Variants in ARHGEF16 observed in about 807,000 individuals in gnomAD.
The protein encoded by ARHGEF16 is Rho guanine exchange factor (GEF) 16.
Under a neutral mutation model 74.1 loss-of-function variants are expected in ARHGEF16, and 59 were observed. That is an observed-to-expected ratio of 0.80 (90% CI 0.65 to 0.99). ARHGEF16 has a LOEUF of 0.99. Ranked by LOEUF, ARHGEF16 falls within the 50% of genes least tolerant of loss-of-function variation. ARHGEF16 has a pLI of 0.00. For synonymous variants in ARHGEF16, 415 were observed against 412.6 expected, an observed-to-expected ratio of 1.01 and a Z score of -0.07; for missense variants, 948 against 986.6, an observed-to-expected ratio of 0.96 and a Z score of 0.52.
chr1:3,463,905 C>T (rs947465647), intron 2 of ARHGEF16, among the ~76,000 whole-genome samples: 1 of 152,248 alleles, frequency 6.6e-6, no homozygotes, highest in Non-Finnish European at 1.5e-5. Context: ...ACCGAGGCCC[C>T]CAGACTCTGG....
At chr1:3,463,816 C>T in intron 2 of ARHGEF16, 144 bp downstream of exon 2, 2 of 632,168 alleles carry the variant, frequency 3.2e-6, no homozygotes, top group Non-Finnish European at 4.7e-6. Flanking sequence ...CTGGTTTATT[C>T]CAGTTCAGCC....
At chr1:3,474,926 T>C (rs1050186909) in intron 9 of ARHGEF16, 144 bp downstream of exon 9, 9 of 653,774 alleles carry the variant, frequency 1.4e-5, no homozygotes, top group African/African-American at 1.4e-4. Context: ...ATCCCAAGCC[T>C]TTCACAGCGC....
At position 3,463,230 on chromosome 1, in the gene ARHGEF16, C is replaced by T. The variant is rs1639447581; in HGVS notation, c.146C>T (p.Ala49Val). The change falls in exon 2 of 15, where the codon GCC becomes GTC. Residue 49 changes from alanine to valine, a missense_variant. Transcript: ENST00000378378. ...TCCCCGCGTGTTAGAGACGATGCCG[C>T]CTTCCAGCCCCAGGTCCCGGCACCC... is the stretch of plus-strand genomic sequence containing the variant. ...RGSPRVRDDA[A>V]FQPQVPAPPQ... The T allele has an allele frequency of 5.2e-6, 8 of 1,547,464 alleles. No individual in the cohort carries two copies. The highest frequency in any genetic ancestry group is 1.7e-4 in the Middle Eastern group (1 of 5,970).
chr1:3,463,234 C>T lies in ARHGEF16; in HGVS notation c.150C>T (p.Phe50=), dbSNP rs935903382. 2.6e-6 allele frequency: 4 copies of T among 1,547,732 alleles called. No individual in the cohort carries two copies. Among genetic ancestry groups the T allele is most frequent in the Admixed American group, 3.9e-5 (2 of 50,906 alleles). ...GSPRVRDDAA[F]QPQVPAPPQP... Reference sequence around the variant, plus strand: ...CGCGTGTTAGAGACGATGCCGCCTTCCAGCCCCAGGTCCCGGCACCCCCAC... The same window carrying T: ...CGCGTGTTAGAGACGATGCCGCCTTTCAGCCCCAGGTCCCGGCACCCCCAC... Residue 50 remains phenylalanine, a synonymous_variant, in exon 2 of 15, where the codon TTC becomes TTT. Coordinates refer to ENST00000378378, the MANE Select transcript of ARHGEF16 (RefSeq NM_014448.4).
intron 8 of ARHGEF16, 121 bp downstream of exon 8, chr1:3,473,643 T>C: frequency 6.7e-7 from 1 of 1,488,750 alleles, no homozygotes; most frequent in Non-Finnish European, 9.1e-7. Context: ...GCCTATGATA[T>C]TGTAATAGTT....
chr1:3,474,049 G>A lies in ARHGEF16; in HGVS notation c.1305+527G>A, dbSNP rs76144978. On this transcript the variant is annotated intron_variant, in intron 8 of 14. Transcript: ENST00000378378. ...ATACAGTGTACACGCACTCAGGCAC[G>A]TATGTGCCCATGTGCACACAATGCA... The A allele has an allele frequency of 9.9e-5, 19 of 191,452 alleles. No homozygotes were observed. The East Asian group carries it at 2.0e-3, about 21-fold the overall frequency. The allele number at this position is 191,452 out of a possible 1,614,324, so 11.9% of individuals were successfully genotyped here.
Position 3,480,467 on chromosome 1 carries a change from G to A in ARHGEF16, c.2010G>A (p.Arg670=). The A allele has an allele frequency of 6.2e-7, 1 of 1,612,546 alleles. No homozygotes were observed. Among genetic ancestry groups the A allele is most frequent in the Non-Finnish European group, 8.5e-7 (1 of 1,179,962 alleles). The change falls in exon 15 of 15, where the codon AGG becomes AGA. Residue 670 remains arginine, a synonymous_variant. Transcript: ENST00000378378. ...GTTCAGGGTGGCTCTATGGCGAGAG[G>A]CTCCGGGACGGAGAGACGGGATGGT... is the stretch of plus-strand genomic sequence containing the variant. The part of the protein sequence containing the change: ...QQEDGWLYGE[R]LRDGETGWFP...
In ARHGEF16 at chr1:3,477,964, C is replaced by G; in HGVS notation, c.1563C>G (p.Ala521=). ...VEETGLFRKI[A]SRPTCYLFLF... is the part of the protein sequence containing the mutation. Reference sequence around the variant, plus strand: ...AAACCGGACTTTTTCGAAAAATTGCCAGCCGGCCAACGTGCTACCTTTTCC... The same window carrying G: ...AAACCGGACTTTTTCGAAAAATTGCGAGCCGGCCAACGTGCTACCTTTTCC... The change falls in exon 11 of 15, where the codon GCC becomes GCG. Residue 521 remains alanine (A), a synonymous_variant. Transcript: ENST00000378378. 1 of 1,612,688 alleles carries G rather than the reference C, an allele frequency of 6.2e-7. No individual in the cohort carries two copies.
chr1:3,463,629 A>G lies in ARHGEF16; in HGVS notation c.545A>G (p.Glu182Gly). 1 of 1,426,272 alleles carries G rather than the reference A, an allele frequency of 7.0e-7. No homozygotes were observed. The highest frequency in any genetic ancestry group is 9.2e-7 in the Non-Finnish European group (1 of 1,084,666). The allele number at this position is 1,426,272 out of a possible 1,614,324, so 88.4% of individuals were successfully genotyped here. A position where few individuals can be genotyped will look rare whatever the true frequency, so the allele number is the denominator to read the frequency against. ...AGCCCTAAGCTCCAGGCTCTGGCTGAGGAACCCAGCCAGCCTCATACTCGG... is the reference window on the plus strand; with the variant it reads ...AGCCCTAAGCTCCAGGCTCTGGCTGGGGAACCCAGCCAGCCTCATACTCGG... The part of the protein sequence containing the change: ...QLSPKLQALA[E>G]EPSQPHTRSP... Residue 182 changes from glutamate to glycine, a missense_variant, in exon 2 of 15, where the codon GAG (glutamate) becomes GGG (glycine). Transcript: ENST00000378378.
intron 3 of ARHGEF16, 126 bp downstream of exon 3, chr1:3,466,319 C>G (rs1450418047): frequency 9.7e-7 from 1 of 1,032,054 alleles, no homozygotes; most frequent in Admixed American, 3.0e-5. Context: ...TTGACAGGGT[C>G]CTTCCAGAGG....
At chr1:3,478,078 C>G in intron 11 of ARHGEF16, 52 bp downstream of exon 11, 1 of 1,609,156 alleles carries the variant, frequency 6.2e-7, no homozygotes, top group Non-Finnish European at 8.5e-7. Context: ...GACACTGGAC[C>G]GCTGGCCCTG....
intron 10 of ARHGEF16, among the ~76,000 whole-genome samples, chr1:3,477,644 C>A (rs1220629759): frequency 1.9e-5 from 1 of 51,512 alleles, no homozygotes; most frequent in African/African-American, 6.1e-5. Context: ...CCTGGGCTAT[C>A]GGGCAGGGTC....
intron 8 of ARHGEF16, 189 bp from the exon 9 acceptor site, chr1:3,474,519 C>T (rs1639827817): frequency 3.4e-6 from 2 of 593,924 alleles, no homozygotes; most frequent in Non-Finnish European, 6.1e-6. Context: ...TCAACCTGGC[C>T]TGACCTGGCA....
intron 3 of ARHGEF16, 83 bp downstream of exon 3, chr1:3,466,276 C>T (rs1210880759): frequency 1.4e-6 from 2 of 1,437,728 alleles, no homozygotes; most frequent in African/African-American, 1.5e-5. Context: ...TCGGGTGGGC[C>T]TCAGTTTGGT....
chr1:3,471,328 C>T (rs1296787045), intron 6 of ARHGEF16, among the ~76,000 whole-genome samples: 1 of 152,058 alleles, frequency 6.6e-6, no homozygotes, highest in African/African-American at 2.4e-5. Context: ...ACAGGGCTGC[C>T]CCAACAGTGG....
At chr1:3,468,432 G>T (rs1557691411) in intron 4 of ARHGEF16, 1 of 191,998 alleles carries the variant, frequency 5.2e-6, no homozygotes, top group Non-Finnish European at 1.1e-5. Flanking sequence ...GAGGAGGAGG[G>T]AGCCCGGGCG....
At position 3,478,984 on chromosome 1, in the gene ARHGEF16, C is replaced by T. The variant is rs934152340; in HGVS notation, c.1814+372C>T. Among the ~76,000 whole-genome samples, 8 of 152,052 alleles carry T rather than the reference C, an allele frequency of 5.3e-5. No individual in the cohort carries two copies. In the East Asian group the frequency reaches 7.7e-4, roughly 15 times the overall value. On this transcript the variant is annotated intron_variant, in intron 12 of 14. Transcript: ENST00000378378. ...CCGAGGCAGGAGAGCCCTGAGGCCC[C>T]GAGGGCACAGCTGCAGGTGGACAGC...
At chr1:3,476,164 G>A in intron 10 of ARHGEF16, 102 bp downstream of exon 10, 5 of 1,264,454 alleles carry the variant, frequency 4.0e-6, no homozygotes, top group Non-Finnish European at 4.4e-6. Context: ...GGGCTGGAGA[G>A]TGGGTGCCTG....
At position 3,473,058 on chromosome 1, in the gene ARHGEF16, T is replaced by C; in HGVS notation, c.1023-20T>C. On this transcript the variant is annotated intron_variant, in intron 6 of 14. Transcript: ENST00000378378. Reference sequence around the variant, plus strand: ...GACCACCAGGCCCGTGGCACCCTCCTCACCCCTCCTTGCCTTCAGGTTCTT... The same window carrying C: ...GACCACCAGGCCCGTGGCACCCTCCCCACCCCTCCTTGCCTTCAGGTTCTT... 3 of 1,609,094 alleles carry C rather than the reference T, an allele frequency of 1.9e-6. No individual in the cohort carries two copies. The highest frequency in any genetic ancestry group is 2.2e-5 in the South Asian group (2 of 90,190).
Sources: gnomAD v4.1 joint callset for allele counts (sites outside exome capture counted in the v4.1 genomes callset) on GRCh38, gnomAD v4.1.1 for gene constraint, MANE v1.5 for transcripts, NCBI Gene and HGNC (gene_info 2026-07-23, HGNC 2026-07-21) for gene names.